NRXN3: variants seen among roughly 807,000 people sequenced by gnomAD.
NRXN3 encodes the protein neurexin 3, also known as neurexin III.
Under a neutral mutation model 137.6 loss-of-function variants are expected in NRXN3, and 32 were observed. The ratio of observed to expected loss-of-function variants is 0.23; its 90% confidence interval spans 0.18 to 0.31. The LOEUF (loss-of-function observed/expected upper bound fraction) is 0.31, where lower values mean the gene tolerates loss of function less well. Among genes scored for constraint, NRXN3 ranks in the 10% least tolerant of loss-of-function variants. The pLI, the probability that NRXN3 is intolerant of heterozygous loss-of-function variation, is 1.00. For missense variants in NRXN3, 1,574 were observed against 2,062.5 expected (o/e 0.76, Z 4.59); for synonymous variants, 798 against 784.5 (o/e 1.02, Z -0.29).
At chr14:78,418,147 G>C (rs896241781) in intron 4 of NRXN3, among the ~76,000 whole-genome samples, 1 of 152,182 alleles carries the variant, frequency 6.6e-6, no homozygotes, top group African/African-American at 2.4e-5. Flanking sequence ...CTAGGCAAGG[G>C]CATAGAGATA....
intron 14 of NRXN3, among the ~76,000 whole-genome samples, chr14:78,978,600 A>G (rs1159741350): frequency 6.6e-6 from 1 of 151,588 alleles, no homozygotes; most frequent in Non-Finnish European, 1.5e-5. Flanking sequence ...GGTCCAAGAC[A>G]TATATTCAGC....
At chr14:79,039,584 T>C (rs2152525318) in intron 15 of NRXN3, among the ~76,000 whole-genome samples, 1 of 152,266 alleles carries the variant, frequency 6.6e-6, no homozygotes, top group South Asian at 2.1e-4. Context: ...AAGTTGTCCG[T>C]CTGTCTACCT....
chr14:78,945,629 CTG>C (rs1343287162), intron 10 of NRXN3, among the ~76,000 whole-genome samples: 1 of 152,152 alleles, frequency 6.6e-6, no homozygotes, highest in African/African-American at 2.4e-5. Context: ...GAACTTCTTT[CTG>C]TGTCAGTTTT....
At chr14:79,456,474 C>T (rs2096258224) in intron 15 of NRXN3, among the ~76,000 whole-genome samples, 2 of 152,210 alleles carry the variant, frequency 1.3e-5, no homozygotes, top group South Asian at 2.1e-4. Context: ...TGCTTATAAT[C>T]CCAGCATTTT....
chr14:79,700,403 A>G (rs2098750537), intron 19 of NRXN3, among the ~76,000 whole-genome samples: 1 of 152,104 alleles, frequency 6.6e-6, no homozygotes, highest in Non-Finnish European at 1.5e-5. Flanking sequence ...GAAATCATAC[A>G]TAGAACATTT....
chr14:79,202,282 T>C (rs1568589426), intron 15 of NRXN3, among the ~76,000 whole-genome samples: 1 of 152,242 alleles, frequency 6.6e-6, no homozygotes, highest in East Asian at 1.9e-4. Context: ...GCTCTCATAT[T>C]GTCTTTGTTC....
chr14:79,653,129 T>C (rs78568827), intron 16 of NRXN3, among the ~76,000 whole-genome samples: 1 of 152,176 alleles, frequency 6.6e-6, no homozygotes, highest in African/African-American at 2.4e-5. Context: ...TTATGATAAC[T>C]AGGAAAGGAA....
intron 16 of NRXN3, among the ~76,000 whole-genome samples, chr14:79,612,712 G>A (rs1303003877): frequency 6.6e-6 from 1 of 152,106 alleles, no homozygotes; most frequent in Non-Finnish European, 1.5e-5. Context: ...TTAGTCTAGT[G>A]TGGTGGCACA....
chr14:78,674,375 T>G (rs1476482535), intron 6 of NRXN3, among the ~76,000 whole-genome samples: 1 of 152,180 alleles, frequency 6.6e-6, no homozygotes, highest in African/African-American at 2.4e-5. Context: ...CCCTGGCCAA[T>G]GCACCCTACT....
intron 15 of NRXN3, among the ~76,000 whole-genome samples, chr14:79,464,260 T>C (rs1025891758): frequency 1.3e-5 from 2 of 152,164 alleles, no homozygotes; most frequent in African/African-American, 4.8e-5. Flanking sequence ...GCCAGGTACT[T>C]TGTATCTTTT....
chr14:79,495,970 A>AAAACAAT (rs1193311897), intron 16 of NRXN3, among the ~76,000 whole-genome samples: 1 of 151,898 alleles, frequency 6.6e-6, no homozygotes, highest in Non-Finnish European at 1.5e-5. Context: ...CAAAAAACAA[A>AAAACAAT]AAAACAAAAA....
chr14:79,815,147 A>T (rs2140923658), intron 20 of NRXN3, among the ~76,000 whole-genome samples: 1 of 152,316 alleles, frequency 6.6e-6, no homozygotes, highest in Middle Eastern at 3.4e-3. Context: ...GGAAGTGCCC[A>T]GTTAATTATC....
At chr14:78,633,687 G>T (rs1429487540) in intron 4 of NRXN3, among the ~76,000 whole-genome samples, 1 of 152,208 alleles carries the variant, frequency 6.6e-6, no homozygotes, top group African/African-American at 2.4e-5. Context: ...TCTAGGATTT[G>T]CACCTCCGCA....
intron 19 of NRXN3, among the ~76,000 whole-genome samples, chr14:79,761,975 T>C (rs908272176): frequency 8.6e-5 from 13 of 151,638 alleles, no homozygotes; most frequent in Non-Finnish European, 1.8e-4. Context: ...CATTTGCTTG[T>C]AGCAGTCACT....
In NRXN3 at chr14:78,361,086, A is replaced by G. The variant is rs1289076247; in HGVS notation, c.757+63226A>G. On this transcript the variant is annotated intron_variant, in intron 4 of 20. Transcript: ENST00000335750. ...GTGTTGGGTTAATTTTAACATGGCC[A>G]ATAAGAAAGCATTCAAAGCTGGAGA... Among the ~76,000 whole-genome samples, 2 of 152,224 alleles carry G rather than the reference A, an allele frequency of 1.3e-5. 1 individual carries two copies. The highest frequency in any genetic ancestry group is 2.9e-5 in the Non-Finnish European group (2 of 68,038).
In NRXN3 at chr14:78,379,558, C is replaced by T. The variant is rs1359893932; in HGVS notation, c.757+81698C>T. Among the ~76,000 whole-genome samples, 5 of 152,288 alleles carry T rather than the reference C, an allele frequency of 3.3e-5. No individual in the cohort carries two copies. In the East Asian group the frequency reaches 9.6e-4, roughly 29 times the overall value. ...AGAAAAAGCACTTGACAAAATTCAA[C>T]ACTTCTTTATGATAAAAACTCTCAG... On this transcript the variant is annotated intron_variant, in intron 4 of 20. Coordinates refer to ENST00000335750, the MANE Select transcript of NRXN3 (RefSeq NM_001330195.2).
At chr14:78,294,527 G>A (rs182129232) in intron 3 of NRXN3, among the ~76,000 whole-genome samples, 1 of 131,002 alleles carries the variant, frequency 7.6e-6, no homozygotes, top group East Asian at 2.2e-4. Context: ...TTGCACTTTA[G>A]CCTGGGCAAC....
chr14:79,739,175 T>G (rs905247196), intron 19 of NRXN3, among the ~76,000 whole-genome samples: 2 of 152,172 alleles, frequency 1.3e-5, no homozygotes, highest in African/African-American at 4.8e-5. Flanking sequence ...ACGTGGGTGT[T>G]TCAAGGGTAT....
At chr14:79,120,977 A>G (rs2055315289) in intron 15 of NRXN3, among the ~76,000 whole-genome samples, 1 of 152,148 alleles carries the variant, frequency 6.6e-6, no homozygotes, top group Non-Finnish European at 1.5e-5. Context: ...TAGGGGGGAA[A>G]TTAACAGCAG....
Sources: allele counts gnomAD v4.1 joint callset (sites outside exome capture counted in the v4.1 genomes callset), GRCh38; gene constraint gnomAD v4.1.1; transcripts MANE v1.5; gene names NCBI Gene and HGNC (gene_info 2026-07-23, HGNC 2026-07-21).